The following ATP2B2 variants were observed in gnomAD, a reference collection of about 807,000 sequenced individuals.
ATP2B2 encodes ATPase plasma membrane Ca2+ transporting 2.
ATP2B2 carries 15 observed loss-of-function variants against 120.0 expected under a neutral mutation model. That is an observed-to-expected ratio of 0.12 (90% CI 0.08 to 0.19). ATP2B2 has a LOEUF of 0.19. Ranked by LOEUF, ATP2B2 falls within the 10% of genes least tolerant of loss-of-function variation. The pLI, the probability that ATP2B2 is intolerant of heterozygous loss-of-function variation, is 1.00. For missense variants in ATP2B2, 1,045 were observed against 1,719.8 expected (o/e 0.61, Z 6.94); for synonymous variants, 694 against 700.3 (o/e 0.99, Z 0.14).
chr3:10,447,907 C>T (rs1175854981), intron 2 of ATP2B2, among the ~76,000 whole-genome samples: 2 of 152,344 alleles, frequency 1.3e-5, no homozygotes, highest in South Asian at 2.1e-4. Context: ...TGGGCTCAGG[C>T]GATGGGCAAA....
At chr3:10,452,232 AG>A (rs1345159872) in intron 1 of ATP2B2, among the ~76,000 whole-genome samples, 14 of 152,276 alleles carry the variant, frequency 9.2e-5, no homozygotes, top group Admixed American at 9.2e-4. Flanking sequence ...CTACCCTGTA[AG>A]AAGGGCCTGG....
At chr3:10,535,072 T>G (rs1279928554) in intron 2 of ATP2B2, among the ~76,000 whole-genome samples, 1 of 151,894 alleles carries the variant, frequency 6.6e-6, no homozygotes, top group African/African-American at 2.4e-5. Context: ...CCTGACTAAC[T>G]TTTTTGTATT....
intron 2 of ATP2B2, among the ~76,000 whole-genome samples, chr3:10,594,217 G>GTATA (rs2068709367): frequency 6.6e-6 from 1 of 152,146 alleles, no homozygotes; most frequent in African/African-American, 2.4e-5. Context: ...CCATTACTGG[G>GTATA]TATATACCCA....
In ATP2B2 at chr3:10,471,527, A is replaced by G. The variant is rs529840088; in HGVS notation, c.-319-21665T>C. Among the ~76,000 whole-genome samples the G allele has an allele frequency of 8.6e-4, 131 of 152,084 alleles. 1 individual carries two copies. Among genetic ancestry groups the G allele is most frequent in the African/African-American group, 3.2e-3 (131 of 41,500 alleles). Reference sequence around the variant, plus strand: ...AGGAGGGGAAAGAGAAAGGAAAGACACAGTCAGGCAGAGAGGAACTTGAGA... The same window carrying G: ...AGGAGGGGAAAGAGAAAGGAAAGACGCAGTCAGGCAGAGAGGAACTTGAGA... On this transcript the variant is annotated intron_variant, in intron 1 of 22. Transcript: ENST00000360273.
intron 2 of ATP2B2, among the ~76,000 whole-genome samples, chr3:10,588,909 T>C (rs1340796209): frequency 6.6e-6 from 1 of 152,190 alleles, no homozygotes; most frequent in African/African-American, 2.4e-5. Flanking sequence ...CAAAGAGAGT[T>C]GTCTGCGGCT....
chr3:10,610,102 C>CACAT (rs1553638991), intron 2 of ATP2B2, among the ~76,000 whole-genome samples: 36 of 130,688 alleles, frequency 2.8e-4, no homozygotes, highest in African/African-American at 1.1e-3. Flanking sequence ...CACACACACA[C>CACAT]ATATATACAC....
At chr3:10,670,747 G>A (rs887038499) in intron 1 of ATP2B2, among the ~76,000 whole-genome samples, 6 of 152,212 alleles carry the variant, frequency 3.9e-5, no homozygotes, top group Non-Finnish European at 8.8e-5. Flanking sequence ...AATATCTAAA[G>A]GATGTTCGTG....
chr3:10,681,640 T>C (rs1215885929), intron 1 of ATP2B2, among the ~76,000 whole-genome samples: 1 of 152,242 alleles, frequency 6.6e-6, no homozygotes, highest in Non-Finnish European at 1.5e-5. Context: ...AAGCACTTAC[T>C]ACTTGGTAAC....
intron 2 of ATP2B2, among the ~76,000 whole-genome samples, chr3:10,604,219 C>T (rs1378651610): frequency 6.6e-6 from 1 of 152,176 alleles, no homozygotes; most frequent in Non-Finnish European, 1.5e-5. Context: ...TCCCCTCTCA[C>T]CCCGTAGCCA....
intron 1 of ATP2B2, among the ~76,000 whole-genome samples, chr3:10,647,260 T>G: frequency 6.7e-6 from 1 of 149,748 alleles, no homozygotes; most frequent in South Asian, 2.1e-4. Context: ...GGAGAGGAGA[T>G]GGGCTCAGAG....
intron 22 of ATP2B2, among the ~76,000 whole-genome samples, chr3:10,333,347 G>C (rs1003076948): frequency 1.3e-5 from 2 of 152,116 alleles, no homozygotes; most frequent in Admixed American, 6.5e-5. Flanking sequence ...TTGTGGGGTA[G>C]TGGGGCGGCC....
At chr3:10,478,021 A>G (rs984619184) in intron 1 of ATP2B2, among the ~76,000 whole-genome samples, 5 of 152,120 alleles carry the variant, frequency 3.3e-5, no homozygotes, top group Admixed American at 6.5e-5. Context: ...GAGTGTTCTA[A>G]TTTCCCCACG....
chr3:10,627,734 C>T (rs2069745390), intron 1 of ATP2B2, among the ~76,000 whole-genome samples: 1 of 152,226 alleles, frequency 6.6e-6, no homozygotes, highest in African/African-American at 2.4e-5. Context: ...TGAGCACCTA[C>T]CATGTGCCAG....
At chr3:10,475,848 C>T (rs2065184584) in intron 1 of ATP2B2, among the ~76,000 whole-genome samples, 1 of 152,158 alleles carries the variant, frequency 6.6e-6, no homozygotes, top group Admixed American at 6.5e-5. Flanking sequence ...GATTCTGAGC[C>T]TTGAGTTGGA....
intron 1 of ATP2B2, among the ~76,000 whole-genome samples, chr3:10,694,616 G>A (rs988762116): frequency 2.0e-5 from 3 of 152,278 alleles, no homozygotes; most frequent in South Asian, 2.1e-4. Flanking sequence ...TGAAAACTCT[G>A]ACCAGCAGAG....
At chr3:10,707,153 C>A (rs1424554039) in intron 1 of ATP2B2, among the ~76,000 whole-genome samples, 4 of 152,214 alleles carry the variant, frequency 2.6e-5, no homozygotes, top group Non-Finnish European at 4.4e-5. Flanking sequence ...CTGCCCAAGT[C>A]CACCTTCCGA....
intron 2 of ATP2B2, among the ~76,000 whole-genome samples, chr3:10,427,552 CT>C (rs1212622527): frequency 1.3e-5 from 2 of 152,200 alleles, no homozygotes. Flanking sequence ...ATTCCCCTTC[CT>C]TTTCTTTTTC....
chr3:10,429,261 TCCCATTTA>T (rs1408367556), intron 2 of ATP2B2, among the ~76,000 whole-genome samples: 1 of 152,176 alleles, frequency 6.6e-6, no homozygotes, highest in Non-Finnish European at 1.5e-5. Context: ...TCCATTATTT[TCCCATTTA>T]CAGGCACACC....
At chr3:10,348,834 G>A (rs1194953726) in intron 16 of ATP2B2, among the ~76,000 whole-genome samples, 1 of 152,216 alleles carries the variant, frequency 6.6e-6, no homozygotes, top group Non-Finnish European at 1.5e-5. Context: ...GACCAGGCCT[G>A]TCCTGAGCAG....
Sources: allele counts gnomAD v4.1 joint callset (sites outside exome capture counted in the v4.1 genomes callset), GRCh38; gene constraint gnomAD v4.1.1; transcripts MANE v1.5; gene names NCBI Gene and HGNC (gene_info 2026-07-23, HGNC 2026-07-21).